NECTIN3: variants seen among roughly 807,000 people sequenced by gnomAD.
The protein encoded by NECTIN3 is nectin-3.
Under a neutral mutation model 49.4 loss-of-function variants are expected in NECTIN3, and 8 were observed. The observed-to-expected ratio is 0.16, with a 90% CI of 0.10 to 0.29. The LOEUF (loss-of-function observed/expected upper bound fraction) is 0.29. Ranked by LOEUF, NECTIN3 falls within the 10% of genes least tolerant of loss-of-function variation. The pLI, the probability that NECTIN3 is intolerant of heterozygous loss-of-function variation, is 1.00. For synonymous variants in NECTIN3, 277 were observed against 241.1 expected, an observed-to-expected ratio of 1.15 and a Z score of -1.38; for missense variants, 581 against 654.6, an observed-to-expected ratio of 0.89 and a Z score of 1.23.
intron 5 of NECTIN3, among the ~76,000 whole-genome samples, chr3:111,132,723 T>A (rs555631950): frequency 6.6e-6 from 1 of 151,980 alleles, no homozygotes; most frequent in African/African-American, 2.4e-5. Context: ...TTAAGTATTA[T>A]TAGAATGTTC....
chr3:111,088,760 T>C (rs1480575344), intron 1 of NECTIN3, among the ~76,000 whole-genome samples: 1 of 152,202 alleles, frequency 6.6e-6, no homozygotes, highest in East Asian at 1.9e-4. Context: ...TCCACATATG[T>C]TTATGAATTG....
chr3:111,096,352 G>A (rs917378050), intron 1 of NECTIN3, among the ~76,000 whole-genome samples: 1 of 152,158 alleles, frequency 6.6e-6, no homozygotes, highest in African/African-American at 2.4e-5. Flanking sequence ...GCTATTAAAG[G>A]CATTCAGTTT....
intron 1 of NECTIN3, among the ~76,000 whole-genome samples, chr3:111,103,405 A>G (rs1164575584): frequency 6.6e-6 from 1 of 150,734 alleles, no homozygotes; most frequent in Non-Finnish European, 1.5e-5. Flanking sequence ...TTGTGTTTTT[A>G]ACTTCAAATT....
intron 1 of NECTIN3, among the ~76,000 whole-genome samples, chr3:111,090,535 T>C (rs1399633731): frequency 6.7e-6 from 1 of 148,974 alleles, no homozygotes; most frequent in East Asian, 2.0e-4. Flanking sequence ...CTTATCCTCA[T>C]TCTGCCGTTA....
intron 6 of NECTIN3, among the ~76,000 whole-genome samples, chr3:111,146,049 G>A (rs567771397): frequency 6.6e-6 from 1 of 152,174 alleles, no homozygotes; most frequent in Non-Finnish European, 1.5e-5. Flanking sequence ...TGTGATTTTC[G>A]TTGGATTAGA....
At chr3:111,088,237 T>C (rs1288482517) in intron 1 of NECTIN3, among the ~76,000 whole-genome samples, 1 of 152,124 alleles carries the variant, frequency 6.6e-6, no homozygotes, top group Admixed American at 6.6e-5. Flanking sequence ...GTCTGGCACC[T>C]CCTCTCTAGC....
chr3:111,123,877 A>G (rs573101097), intron 4 of NECTIN3, among the ~76,000 whole-genome samples: 2 of 152,268 alleles, frequency 1.3e-5, no homozygotes, highest in South Asian at 2.1e-4. Flanking sequence ...GTTTTGAAGC[A>G]TCCCTGGGTT....
At chr3:111,137,662 C>T (rs2034628543), downstream of NECTIN3, 1 of 220,920 alleles carries the variant, frequency 4.5e-6, no homozygotes. Flanking sequence ...TTTTAATTAT[C>T]AAAATGTAAT....
At chr3:111,121,764 A>G (rs2033965481) in intron 3 of NECTIN3, among the ~76,000 whole-genome samples, 1 of 152,188 alleles carries the variant, frequency 6.6e-6, no homozygotes, top group Non-Finnish European at 1.5e-5. Context: ...TTATTTAATT[A>G]AATACTATAA....
In NECTIN3 at chr3:111,102,636, A is replaced by T. The variant is rs75711238; in HGVS notation, c.161-9394A>T. 9.8e-3 allele frequency among the ~76,000 whole-genome samples: 1,486 copies of T among 152,314 alleles called. 23 individuals are homozygous for T. The highest frequency in any genetic ancestry group is 0.035 in the South Asian group (167 of 4,830). On this transcript the variant is annotated intron_variant, in intron 1 of 5. Coordinates refer to ENST00000485303, the MANE Select transcript of NECTIN3 (RefSeq NM_015480.3). ...TTATAGTGTGTTTTTCAGAGCAGAA[A>T]TTTTTAATTTAAATGAAGCCTAGCT... is the stretch of plus-strand genomic sequence containing the variant.
chr3:111,101,243 C>A (rs2032890425), intron 1 of NECTIN3, among the ~76,000 whole-genome samples: 1 of 151,992 alleles, frequency 6.6e-6, no homozygotes, highest in South Asian at 2.1e-4. Context: ...TTGGTTAAAT[C>A]AAGATACTGT....
Position 111,159,503 on chromosome 3 carries a change from A to T in NECTIN3, c.1221+12019A>T, listed in dbSNP as rs114915191. Among the ~76,000 whole-genome samples the T allele has an allele frequency of 9.6e-3, 1,462 of 151,876 alleles. 26 individuals carry two copies. Among genetic ancestry groups the T allele is most frequent in the African/African-American group, 0.032 (1,313 of 41,282 alleles). On this transcript the variant is annotated intron_variant, in intron 7 of 8. Transcript: ENST00000493615. ...TTTTGTTTGTTTTTTATTTTATTTT[A>T]TTTTTTTAAGTGAGGAATGTGATAT...
At chr3:111,100,289 G>A (rs1026489271) in intron 1 of NECTIN3, among the ~76,000 whole-genome samples, 1 of 152,042 alleles carries the variant, frequency 6.6e-6, no homozygotes, top group Non-Finnish European at 1.5e-5. Context: ...TCCTTACATT[G>A]TCAACTTCTA....
Position 111,135,454 on chromosome 3 carries a change from T to G in NECTIN3, c.*1239T>G, listed in dbSNP as rs368059134. 9.7e-5 allele frequency: 91 copies of G among 942,720 alleles called. No individual in the cohort carries two copies. In the African/African-American group the frequency reaches 1.5e-3, roughly 16 times the overall value. 58.4% of individuals were successfully genotyped at this position (942,720 alleles called of 1,614,324 possible). Reference sequence around the variant, plus strand: ...AATCATTTATCTTTTGAGAAAGAAATGTTACCTAAACTTCAAATGTGCTTT... The same window carrying G: ...AATCATTTATCTTTTGAGAAAGAAAGGTTACCTAAACTTCAAATGTGCTTT... On this transcript the variant is annotated 3_prime_UTR_variant, in exon 6 of 6. Coordinates refer to ENST00000485303, the MANE Select transcript of NECTIN3 (RefSeq NM_015480.3).
intron 7 of NECTIN3, among the ~76,000 whole-genome samples, chr3:111,173,717 A>G (rs2035474394): frequency 6.6e-6 from 1 of 152,202 alleles, no homozygotes; most frequent in Non-Finnish European, 1.5e-5. Context: ...TATTATCCAC[A>G]CGGCTATCCT....
intron 1 of NECTIN3, among the ~76,000 whole-genome samples, chr3:111,075,751 G>T (rs1305709284): frequency 1.3e-5 from 2 of 152,044 alleles, no homozygotes; most frequent in Non-Finnish European, 2.9e-5. Flanking sequence ...TTAGAATGTA[G>T]TCAAAATACT....
chr3:111,152,818 T>G (rs2035027294), intron 7 of NECTIN3, among the ~76,000 whole-genome samples: 1 of 151,958 alleles, frequency 6.6e-6, no homozygotes, highest in South Asian at 2.1e-4. Flanking sequence ...CTCCAGGTAT[T>G]CAGTTACAAT....
chr3:111,180,117 A>C (rs944372992), intron 7 of NECTIN3, among the ~76,000 whole-genome samples: 1 of 152,214 alleles, frequency 6.6e-6, no homozygotes, highest in African/African-American at 2.4e-5. Context: ...ACCCTGCATT[A>C]CTAAATACCC....
chr3:111,155,729 T>C (rs533035866), intron 7 of NECTIN3, among the ~76,000 whole-genome samples: 1 of 152,296 alleles, frequency 6.6e-6, no homozygotes, highest in African/African-American at 2.4e-5. Flanking sequence ...ATGTTAAAAA[T>C]AGAAAATTGG....
Sources: gnomAD v4.1 joint callset for allele counts (sites outside exome capture counted in the v4.1 genomes callset) on GRCh38, gnomAD v4.1.1 for gene constraint, MANE v1.5 for transcripts, NCBI Gene and HGNC (gene_info 2026-07-23, HGNC 2026-07-21) for gene names.